Variants in PTPRD observed in about 807,000 individuals in gnomAD.
The protein encoded by PTPRD is receptor-type tyrosine-protein phosphatase delta.
A neutral mutation model predicts 214.5 loss-of-function variants in PTPRD; 34 were observed. The ratio of observed to expected loss-of-function variants is 0.16; its 90% confidence interval spans 0.12 to 0.21. PTPRD has a LOEUF of 0.21. Ranked by LOEUF, PTPRD falls within the 10% of genes least tolerant of loss-of-function variation. The pLI is 1.00. For missense variants in PTPRD, 2,545 were observed against 2,398.7 expected (o/e 1.06, Z -1.27); for synonymous variants, 1,128 against 845.7 (o/e 1.33, Z -5.79).
chr9:9,057,138 T>C (rs2099697785), intron 10 of PTPRD, among the ~76,000 whole-genome samples: 1 of 152,200 alleles, frequency 6.6e-6, no homozygotes, highest in Non-Finnish European at 1.5e-5. Context: ...GATAATAATC[T>C]GATTGCAGGA....
chr9:9,548,541 G>A (rs1014171008), intron 8 of PTPRD, among the ~76,000 whole-genome samples: 2 of 151,634 alleles, frequency 1.3e-5, no homozygotes, highest in African/African-American at 2.4e-5. Context: ...CTGGGCTACA[G>A]GCGTCTGCCA....
intron 11 of PTPRD, among the ~76,000 whole-genome samples, chr9:8,791,831 T>C (rs2096248518): frequency 2.0e-5 from 3 of 152,054 alleles, no homozygotes; most frequent in Admixed American, 6.6e-5. Flanking sequence ...CCAGGTGTTT[T>C]AACTTAGGGA....
At position 9,861,045 on chromosome 9, in the gene PTPRD, A is replaced by T. The variant is rs188574307; in HGVS notation, c.-368+77462T>A. On this transcript the variant is annotated intron_variant, in intron 5 of 45. Transcript: ENST00000381196. ...TTTTTGAATTAGGCAATTATTTTTT[A>T]AAAAAGAGAAATCATTATTTCTTTC... 4.7e-4 allele frequency among the ~76,000 whole-genome samples: 72 copies of T among 152,296 alleles called. 1 individual carries two copies. Among genetic ancestry groups the T allele is most frequent in the Middle Eastern group, 3.4e-3 (1 of 294 alleles).
At chr9:8,363,984 AT>A (rs2079138438) in intron 39 of PTPRD, among the ~76,000 whole-genome samples, 1 of 152,244 alleles carries the variant, frequency 6.6e-6, no homozygotes, top group Non-Finnish European at 1.5e-5. Context: ...AATGTACCTT[AT>A]TAATGCCAGT....
intron 5 of PTPRD, among the ~76,000 whole-genome samples, chr9:9,804,874 G>A (rs2153520915): frequency 6.6e-6 from 1 of 151,488 alleles, no homozygotes; most frequent in South Asian, 2.1e-4. Context: ...ATATTTACTT[G>A]ATAGAAGAAA....
At chr9:8,652,132 A>G (rs530259584) in intron 12 of PTPRD, among the ~76,000 whole-genome samples, 5 of 152,346 alleles carry the variant, frequency 3.3e-5, no homozygotes, top group African/African-American at 9.6e-5. Flanking sequence ...ATTAGGTAAG[A>G]AAACAAAGGA....
At position 8,632,927 on chromosome 9, in the gene PTPRD, C is replaced by T. The variant is rs945976142; in HGVS notation, c.352+390G>A. 3.3e-5 allele frequency among the ~76,000 whole-genome samples: 5 copies of T among 152,030 alleles called. No individual in the cohort carries two copies. In the East Asian group the frequency reaches 9.7e-4, roughly 29 times the overall value. On this transcript the variant is annotated intron_variant, in intron 14 of 45. Transcript: ENST00000381196. ...GGCTAAGGTTCTTTCTTTAATTCTG[C>T]AAATATCAATGTCAGCTGTGGTAGT...
intron 3 of PTPRD, among the ~76,000 whole-genome samples, chr9:10,278,591 C>A (rs1467973863): frequency 1.3e-5 from 2 of 152,130 alleles, no homozygotes; most frequent in Non-Finnish European, 2.9e-5. Context: ...CCAAAAAGTT[C>A]TATCTCCTGA....
At chr9:10,307,804 T>C (rs541936906) in intron 3 of PTPRD, among the ~76,000 whole-genome samples, 2 of 152,158 alleles carry the variant, frequency 1.3e-5, no homozygotes, top group Admixed American at 1.3e-4. Context: ...GGTTGGCATT[T>C]TTTTAATGTT....
At position 10,418,345 on chromosome 9, in the gene PTPRD, C is replaced by T. The variant is rs545928080; in HGVS notation, c.-599-77328G>A. ...CCCTTGGTTAATTTTTTTAAGTATC[C>T]CTTTGCCCTTGGTTAATTAAACAGA... On this transcript the variant is annotated intron_variant, in intron 2 of 45. Transcript: ENST00000381196. Among the ~76,000 whole-genome samples, 19 of 151,034 alleles carry T rather than the reference C, an allele frequency of 1.3e-4. 1 individual carries two copies. Among genetic ancestry groups the T allele is most frequent in the Middle Eastern group, 3.4e-3 (1 of 294 alleles).
At chr9:9,574,854 T>G (rs1483312782) in intron 7 of PTPRD, 73 bp from the exon 8 acceptor site, 1 of 152,148 alleles carries the variant, frequency 6.6e-6, no homozygotes, top group Non-Finnish European at 1.5e-5. Context: ...CTTAAGAGGT[T>G]AGTAATTCAA....
chr9:9,871,747 G>A (rs183252731), intron 5 of PTPRD, among the ~76,000 whole-genome samples: 2 of 151,150 alleles, frequency 1.3e-5, no homozygotes, highest in African/African-American at 4.9e-5. Flanking sequence ...TTCCGGAAAG[G>A]GGCCTGGGAG....
intron 7 of PTPRD, among the ~76,000 whole-genome samples, chr9:9,697,587 C>A (rs1256956608): frequency 6.6e-6 from 1 of 151,826 alleles, no homozygotes; most frequent in Non-Finnish European, 1.5e-5. Flanking sequence ...TTTTTTGCTT[C>A]TTTTCTCTTG....
intron 5 of PTPRD, among the ~76,000 whole-genome samples, chr9:9,851,484 G>T (rs1043300406): frequency 6.6e-6 from 1 of 152,198 alleles, no homozygotes. Context: ...AACAAGTACT[G>T]CAGGGCCTAA....
At position 10,332,738 on chromosome 9, in the gene PTPRD, A is replaced by G. The variant is rs755469173; in HGVS notation, c.-545+8225T>C. 4.7e-4 allele frequency among the ~76,000 whole-genome samples: 71 copies of G among 151,722 alleles called. 4 individuals carry two copies. Among genetic ancestry groups the G allele is most frequent in the Non-Finnish European group, 2.4e-4 (16 of 67,832 alleles). The stretch of plus-strand genomic sequence containing the variant: ...TTCAAGGTCACACAATTAATAAACA[A>G]CAGAGCTGCATTCTGAACTCTTGCA... On this transcript the variant is annotated intron_variant, in intron 3 of 45. Coordinates refer to ENST00000381196, the MANE Select transcript of PTPRD (RefSeq NM_002839.4).
At chr9:9,138,496 T>C (rs1242337610) in intron 10 of PTPRD, among the ~76,000 whole-genome samples, 1 of 152,142 alleles carries the variant, frequency 6.6e-6, no homozygotes, top group Non-Finnish European at 1.5e-5. Context: ...TCACAAAATA[T>C]GCTTCTGTAA....
At chr9:9,307,741 T>A (rs1471885314) in intron 9 of PTPRD, among the ~76,000 whole-genome samples, 1 of 152,172 alleles carries the variant, frequency 6.6e-6, no homozygotes, top group Admixed American at 6.5e-5. Context: ...AACTTTCAGA[T>A]TAAAATTCAA....
chr9:9,288,956 A>G (rs988031728), intron 9 of PTPRD, among the ~76,000 whole-genome samples: 2 of 151,890 alleles, frequency 1.3e-5, no homozygotes, highest in African/African-American at 4.8e-5. Context: ...TGCCATGATT[A>G]TAAGTTTCCT....
At chr9:9,640,739 AG>A (rs1480311810) in intron 7 of PTPRD, among the ~76,000 whole-genome samples, 2 of 152,228 alleles carry the variant, frequency 1.3e-5, no homozygotes, top group Non-Finnish European at 2.9e-5. Flanking sequence ...TGGGAAGTAG[AG>A]GGGTGACCCC....
Sources: gnomAD v4.1 joint callset for allele counts (sites outside exome capture counted in the v4.1 genomes callset) on GRCh38, gnomAD v4.1.1 for gene constraint, MANE v1.5 for transcripts, NCBI Gene and HGNC (gene_info 2026-07-23, HGNC 2026-07-21) for gene names.